Variants in MYO3A observed in about 807,000 individuals in gnomAD.
The protein encoded by MYO3A is myosin IIIA, also known as myosin-IIIa.
In MYO3A, 180 loss-of-function variants were observed where a neutral mutation model predicts 192.7. That is an observed-to-expected ratio of 0.93 (90% CI 0.83 to 1.06). The LOEUF (loss-of-function observed/expected upper bound fraction) is 1.06, where lower values mean the gene tolerates loss of function less well. MYO3A is among the 50% of genes least tolerant of loss of function. MYO3A has a pLI of 0.00. For missense variants in MYO3A, 1,896 were observed against 1,905.0 expected (o/e 1.00, Z 0.09); for synonymous variants, 628 against 645.3 (o/e 0.97, Z 0.41).
chr10:26,024,408 G>A (rs1416860), intron 9 of MYO3A, among the ~76,000 whole-genome samples: 46,995 of 151,958 alleles, frequency 0.31, 7,518 homozygotes, highest in Middle Eastern at 0.44. Flanking sequence ...ATTAGGTTTC[G>A]CTTCTTTATC....
intron 7 of MYO3A, among the ~76,000 whole-genome samples, chr10:26,018,392 A>G (rs767648482): frequency 1.2e-4 from 19 of 152,320 alleles, no homozygotes; most frequent in Middle Eastern, 3.4e-3. Flanking sequence ...GATATTCCAT[A>G]TCTACCACTC....
chr10:26,165,958 G>T (rs1396330227), intron 26 of MYO3A, 109 bp from the exon 27 acceptor site: 6 of 915,134 alleles, frequency 6.6e-6, no homozygotes, highest in Non-Finnish European at 1.1e-5. Flanking sequence ...TCCGCATCAA[G>T]TCTGGGCATC....
chr10:26,002,628 A>G (rs1442572615), intron 6 of MYO3A, among the ~76,000 whole-genome samples: 1 of 151,664 alleles, frequency 6.6e-6, no homozygotes, highest in Non-Finnish European at 1.5e-5. Flanking sequence ...TGGACCAGGT[A>G]ATCGGAATGA....
chr10:26,107,374 C>T (rs112790902), intron 17 of MYO3A, among the ~76,000 whole-genome samples: 15,476 of 150,546 alleles, frequency 0.1, 854 homozygotes, highest in Non-Finnish European at 0.12. Flanking sequence ...CTAGCTACTT[C>T]GGAGGCTGAG....
chr10:26,034,805 G>A (rs1842951694), intron 10 of MYO3A, among the ~76,000 whole-genome samples: 3 of 151,744 alleles, frequency 2.0e-5, no homozygotes, highest in Admixed American at 2.0e-4. Context: ...TAATAGGCAA[G>A]ACGGGCTAGT....
intron 31 of MYO3A, among the ~76,000 whole-genome samples, chr10:26,179,089 ATTTTTTTTTTTTT>A (rs59025321): frequency 1.5e-5 from 1 of 66,140 alleles, no homozygotes; most frequent in Non-Finnish European, 2.6e-5. Flanking sequence ...GCCCAGCCTA[ATTTTTTTTTTTTT>A]TTTTTTTTTT....
intron 14 of MYO3A, among the ~76,000 whole-genome samples, chr10:26,078,492 T>A (rs963653356): frequency 7.9e-5 from 12 of 152,062 alleles, no homozygotes; most frequent in Non-Finnish European, 1.5e-4. Context: ...TTTTTGTTTG[T>A]TTGTTTCAAT....
At chr10:26,172,946 G>C (rs1842120169) in intron 29 of MYO3A, among the ~76,000 whole-genome samples, 1 of 152,032 alleles carries the variant, frequency 6.6e-6, no homozygotes, top group East Asian at 1.9e-4. Context: ...AGCCCTCCAA[G>C]TAGCAACGAG....
At chr10:26,006,729 G>A (rs1423506107) in intron 6 of MYO3A, among the ~76,000 whole-genome samples, 1 of 151,738 alleles carries the variant, frequency 6.6e-6, no homozygotes, top group Non-Finnish European at 1.5e-5. Context: ...TGAAATTGTG[G>A]CAATAATCAA....
At chr10:26,013,617 T>C (rs1011527910) in intron 6 of MYO3A, among the ~76,000 whole-genome samples, 5 of 152,042 alleles carry the variant, frequency 3.3e-5, no homozygotes, top group African/African-American at 9.7e-5. Context: ...GTGAATACAA[T>C]AGATGTTGGC....
At chr10:26,145,592 G>C in intron 22 of MYO3A, 58 bp downstream of exon 22, 1 of 1,300,994 alleles carries the variant, frequency 7.7e-7, no homozygotes, top group Non-Finnish European at 1.1e-6. Context: ...TGAATAATAG[G>C]ATAGACATGA....
chr10:26,149,368 G>A (rs1337635533), intron 23 of MYO3A, among the ~76,000 whole-genome samples: 1 of 152,032 alleles, frequency 6.6e-6, no homozygotes, highest in African/African-American at 2.4e-5. Context: ...CCGAGTAGCT[G>A]GGATTACAGG....
intron 3 of MYO3A, among the ~76,000 whole-genome samples, chr10:25,953,603 C>T (rs1588649954): frequency 6.6e-6 from 1 of 152,040 alleles, no homozygotes; most frequent in East Asian, 1.9e-4. Context: ...AGAAATTCAG[C>T]CCAATCCCAT....
Position 26,203,079 on chromosome 10 carries a change from C to T in MYO3A, c.4702C>T (p.Gln1568Ter). 3 of 1,613,702 alleles carry T rather than the reference C, an allele frequency of 1.9e-6. No homozygotes were observed. The highest frequency in any genetic ancestry group is 2.5e-6 in the Non-Finnish European group (3 of 1,179,788). The change falls in exon 34 of 35, where the codon CAG (glutamine) becomes TAG (stop). Residue 1568 changes from glutamine (Q) to a stop codon, truncating the protein, a stop_gained. Coordinates refer to ENST00000642920, the MANE Select transcript of MYO3A (RefSeq NM_017433.5). LOFTEE classifies it low-confidence loss of function (END_TRUNC). ...LRERRPQQEL[Q>*]NQCIKANERC... ...AGAACGAAGACCACAGCAAGAACTC[C>T]AGAATCAATGTATTAAGGCTAATGA...
intron 4 of MYO3A, among the ~76,000 whole-genome samples, chr10:25,969,181 C>T (rs550180893): frequency 7.9e-5 from 12 of 152,160 alleles, no homozygotes; most frequent in African/African-American, 1.7e-4. Context: ...TGCAGTGAGC[C>T]GAGATTGCAC....
At chr10:26,174,872 A>C (rs1164349532) in intron 30 of MYO3A, among the ~76,000 whole-genome samples, 2 of 136,280 alleles carry the variant, frequency 1.5e-5, no homozygotes, top group African/African-American at 5.3e-5. Context: ...TAGATCTTTA[A>C]TTAGAGCTAA....
At chr10:25,953,549 T>C (rs1336033974) in intron 3 of MYO3A, among the ~76,000 whole-genome samples, 3 of 152,122 alleles carry the variant, frequency 2.0e-5, no homozygotes, top group East Asian at 1.9e-4. Flanking sequence ...CTCTCTTTCC[T>C]GTAGCCTTTG....
chr10:26,184,409 A>G (rs1218730221), intron 31 of MYO3A, among the ~76,000 whole-genome samples: 3 of 152,220 alleles, frequency 2.0e-5, no homozygotes, highest in African/African-American at 7.2e-5. Flanking sequence ...TTGATTTATT[A>G]AGGAAAAAAT....
intron 17 of MYO3A, among the ~76,000 whole-genome samples, chr10:26,117,323 A>T (rs559813442): frequency 1.0e-3 from 157 of 152,280 alleles, no homozygotes; most frequent in Admixed American, 3.3e-3. Flanking sequence ...AAACACATTT[A>T]AAAAAACTGT....
Sources: allele counts gnomAD v4.1 joint callset (sites outside exome capture counted in the v4.1 genomes callset), GRCh38; gene constraint gnomAD v4.1.1; transcripts MANE v1.5; gene names NCBI Gene and HGNC (gene_info 2026-07-23, HGNC 2026-07-21).